TOMM20L: variants seen among roughly 807,000 people sequenced by gnomAD.
TOMM20L encodes the protein TOMM20-like protein 1.
Under a neutral mutation model 20.4 loss-of-function variants are expected in TOMM20L, and 19 were observed. The ratio of observed to expected loss-of-function variants is 0.93; its 90% CI spans 0.65 to 1.36. The LOEUF (loss-of-function observed/expected upper bound fraction) is 1.36, where lower values mean the gene tolerates loss of function less well. Ranked by LOEUF, TOMM20L falls within the 40% of genes most tolerant of loss-of-function variation. The pLI, the probability that TOMM20L is intolerant of heterozygous loss-of-function variation, is 0.00. For missense variants in TOMM20L, 218 were observed against 203.7 expected (o/e 1.07, Z -0.43); for synonymous variants, 75 against 79.6 (o/e 0.94, Z 0.30).
At chr14:58,411,952 C>T, downstream of TOMM20L, 1 of 1,613,462 alleles carries the variant, frequency 6.2e-7, no homozygotes, top group Non-Finnish European at 8.5e-7. Context: ...CCATATTCTT[C>T]TGGTACCTTT....
chr14:58,396,845 A>G (rs1157547553), intron 2 of TOMM20L, among the ~76,000 whole-genome samples: 1 of 152,150 alleles, frequency 6.6e-6, no homozygotes, highest in Non-Finnish European at 1.5e-5. Flanking sequence ...CTGTAATCCC[A>G]GCACTTTGGG....
downstream of TOMM20L, among the ~76,000 whole-genome samples, chr14:58,410,355 T>C (rs903976371): frequency 6.6e-6 from 1 of 151,992 alleles, no homozygotes; most frequent in Middle Eastern, 3.2e-3. Flanking sequence ...GAGTTCAAAG[T>C]TACAGTGAGC....
At chr14:58,401,524 T>A (rs527802598) in intron 2 of TOMM20L, among the ~76,000 whole-genome samples, 1 of 148,776 alleles carries the variant, frequency 6.7e-6, no homozygotes, top group Non-Finnish European at 1.5e-5. Context: ...GAGCTGAGAT[T>A]GCACCACTGC....
chr14:58,407,343 A>T lies in TOMM20L; in HGVS notation c.280A>T (p.Ile94Phe), dbSNP rs2036075515. The T allele has an allele frequency of 3.1e-6, 5 of 1,608,728 alleles. No homozygotes were observed. Among genetic ancestry groups the T allele is most frequent in the Non-Finnish European group, 4.2e-6 (5 of 1,178,312 alleles). ...WLSRGEHRMG[I>F]QHLGNALLVC... is the part of the protein sequence containing the mutation. ...TGTTTCAGGAGAGCACAGAATGGGGATTCAACACCTCGGCAATGCCCTTTT... is the reference window on the plus strand; with the variant it reads ...TGTTTCAGGAGAGCACAGAATGGGGTTTCAACACCTCGGCAATGCCCTTTT... Residue 94 changes from isoleucine (I) to phenylalanine (F), a missense_variant, in exon 4 of 5, where the codon ATT becomes TTT. Ile to Phe is a conservative substitution (Grantham distance 21). Coordinates refer to ENST00000360945, the MANE Select transcript of TOMM20L (RefSeq NM_207377.3).
At chr14:58,411,248 G>A (rs2036205347), downstream of TOMM20L, among the ~76,000 whole-genome samples, 2 of 152,186 alleles carry the variant, frequency 1.3e-5, no homozygotes, top group Non-Finnish European at 2.9e-5. Flanking sequence ...AGGAGTTCGA[G>A]ACCAGCCTGG....
chr14:58,400,282 A>G (rs1233757763), intron 2 of TOMM20L, among the ~76,000 whole-genome samples: 4 of 151,762 alleles, frequency 2.6e-5, no homozygotes, highest in Non-Finnish European at 5.9e-5. Flanking sequence ...GCGCACGCCT[A>G]TAGTCCCAGG....
In TOMM20L at chr14:58,408,533, T is replaced by G. The variant is rs2036105021; in HGVS notation, c.410T>G (p.Phe137Cys). The G allele has an allele frequency of 1.5e-5, 24 of 1,613,770 alleles. No homozygotes were observed. The highest frequency in any genetic ancestry group is 2.0e-5 in the Non-Finnish European group (24 of 1,179,886). Residue 137 changes from phenylalanine (F) to cysteine (C), a missense_variant, in exon 5 of 5, where the codon TTT (phenylalanine) becomes TGT (cysteine). Phe to Cys is a radical substitution (Grantham distance 205, BLOSUM62 -2). Coordinates refer to ENST00000360945, the MANE Select transcript of TOMM20L (RefSeq NM_207377.3). ...LHKIPLICQQ[F>C]EADMNEQDCL... ...ACTATTTTATGTATTCACCAGCAAT[T>G]TGAGGCAGACATGAATGAACAGGAC...
chr14:58,408,905 CCAAA>C (rs573036358), downstream of TOMM20L: 1,377 of 1,377,122 alleles, frequency 1.0e-3, 1 homozygote, highest in Non-Finnish European at 1.3e-3. Flanking sequence ...TTTCCATTTG[CCAAA>C]CAGTCATGAC....
the TOMM20L span, among the ~76,000 whole-genome samples, chr14:58,416,015 T>C: frequency 1.3e-5 from 2 of 148,644 alleles, no homozygotes; most frequent in Non-Finnish European, 3.0e-5. Context: ...CAGGAGTTCA[T>C]GACCAGCCTG....
At chr14:58,411,169 C>T (rs188461600), downstream of TOMM20L, among the ~76,000 whole-genome samples, 2 of 152,104 alleles carry the variant, frequency 1.3e-5, no homozygotes, top group Non-Finnish European at 1.5e-5. Flanking sequence ...TATGCTTGGC[C>T]GGGTGCGGTA....
the TOMM20L span, among the ~76,000 whole-genome samples, chr14:58,415,976 G>A: frequency 6.6e-6 from 1 of 151,860 alleles, no homozygotes; most frequent in African/African-American, 2.4e-5. Context: ...AGCACTTTGG[G>A]AGGCCAAAGC....
In TOMM20L at chr14:58,405,805, C is replaced by G. The variant is rs1046329602; in HGVS notation, c.263-1521C>G. 4.4e-4 allele frequency among the ~76,000 whole-genome samples: 67 copies of G among 152,208 alleles called. 1 individual carries two copies. The highest frequency in any genetic ancestry group is 6.2e-4 in the South Asian group (3 of 4,834). On this transcript the variant is annotated intron_variant, in intron 3 of 4. Transcript: ENST00000360945. The stretch of plus-strand genomic sequence containing the variant: ...AGGCGTGAGCCACCACACCCACCCC[C>G]CTAATAGTTCTTTACAGAAGTTTTA...
intron 3 of TOMM20L, among the ~76,000 whole-genome samples, chr14:58,405,887 T>G (rs1458228490): frequency 6.6e-6 from 1 of 152,238 alleles, no homozygotes; most frequent in Non-Finnish European, 1.5e-5. Context: ...ATTCTTTAAT[T>G]CTTCATCAAA....
At chr14:58,404,514 A>G (rs1412577924) in intron 3 of TOMM20L, among the ~76,000 whole-genome samples, 1 of 151,630 alleles carries the variant, frequency 6.6e-6, no homozygotes, top group Non-Finnish European at 1.5e-5. Context: ...TTTTTTCAAA[A>G]GGTTTTTTTT....
At position 58,396,358 on chromosome 14, in the gene TOMM20L, C is replaced by A. The variant is rs749563036; in HGVS notation, c.180+17C>A. On this transcript the variant is annotated intron_variant, in intron 2 of 4. Transcript: ENST00000360945. Reference sequence around the variant, plus strand: ...GGCACGCAGGTGCAGTGCTTTCGATCCGCACAGGTAGCTCAGTAGACGCAG... The same window carrying A: ...GGCACGCAGGTGCAGTGCTTTCGATACGCACAGGTAGCTCAGTAGACGCAG... 9 of 1,613,048 alleles carry A rather than the reference C, an allele frequency of 5.6e-6. No individual in the cohort carries two copies. The highest frequency in any genetic ancestry group is 5.9e-6 in the Non-Finnish European group (7 of 1,179,680).
the TOMM20L span, among the ~76,000 whole-genome samples, chr14:58,415,214 A>C: frequency 1.4e-4 from 22 of 152,290 alleles, no homozygotes; most frequent in South Asian, 4.3e-3. Flanking sequence ...ACCTCCCACC[A>C]CTTCCCCTCA....
chr14:58,396,669 C>G (rs933628407), intron 2 of TOMM20L, among the ~76,000 whole-genome samples: 2 of 152,390 alleles, frequency 1.3e-5, no homozygotes, highest in Admixed American at 1.3e-4. Context: ...AAAACCCAGG[C>G]TGGCCACGGT....
rs1160703804 is a variant in TOMM20L at position 58,402,759 on chromosome 14, G to C, written c.260G>C (p.Arg87Thr). 6.2e-7 allele frequency: 1 copy of C among 1,608,612 alleles called. No individual in the cohort carries two copies. The highest frequency in any genetic ancestry group is 1.3e-5 in the African/African-American group (1 of 74,764). Reference sequence around the variant, plus strand: ...CGGATGGGAGAACTTTGGTTATCTAGAGGTAAGAATGTAAATGTTCTTTTG... The same window carrying C: ...CGGATGGGAGAACTTTGGTTATCTACAGGTAAGAATGTAAATGTTCTTTTG... ...EVRMGELWLS[R>T]GEHRMGIQHL... The change falls in exon 3 of 5, where the codon AGA (arginine) becomes ACA (threonine). Residue 87 changes from arginine (R) to threonine (T), a missense_variant and splice_region_variant. Physicochemically the swap from Arg to Thr is moderately conservative, Grantham distance 71. Coordinates refer to ENST00000360945, the MANE Select transcript of TOMM20L (RefSeq NM_207377.3).
chr14:58,404,099 G>GTGTGTGTATATATATATATATATATATA (rs1408980666), intron 3 of TOMM20L, among the ~76,000 whole-genome samples: 580 of 22,892 alleles, frequency 0.025, 93 homozygotes, highest in East Asian at 0.071. Context: ...ACATATATAT[G>GTGTGTGTATATATATATATATATATATA]TATATATATA....
Sources: gnomAD v4.1 joint callset for allele counts (sites outside exome capture counted in the v4.1 genomes callset) on GRCh38, gnomAD v4.1.1 for gene constraint, MANE v1.5 for transcripts, NCBI Gene and HGNC (gene_info 2026-07-23, HGNC 2026-07-21) for gene names.